Variants in KCNT2 observed in about 807,000 individuals in gnomAD.
KCNT2 encodes potassium channel subfamily T member 2.
A neutral mutation model predicts 153.8 loss-of-function variants in KCNT2; 67 were observed. That is an observed-to-expected ratio of 0.44 (90% confidence interval 0.36 to 0.53). KCNT2 has a LOEUF of 0.53. Among genes scored for constraint, KCNT2 ranks in the 20% least tolerant of loss-of-function variants. The probability of loss-of-function intolerance (pLI) is 0.00; values close to 1 mark genes in which losing one functional copy is unlikely to be tolerated. For missense variants in KCNT2, 975 were observed against 1,354.8 expected (o/e 0.72, Z 4.40); for synonymous variants, 500 against 458.8 (o/e 1.09, Z -1.15).
In KCNT2 at chr1:196,295,256, A is replaced by G. The variant is rs1015911938; in HGVS notation, c.2596-9498T>C. ...TAAAACATTTGTACTTTTTAAAATG[A>G]TAATTTGGAGAAGTTAAAACCAGTG... On this transcript the variant is annotated intron_variant, in intron 22 of 27. Transcript: ENST00000294725. 1.2e-4 allele frequency among the ~76,000 whole-genome samples: 18 copies of G among 152,044 alleles called. No individual in the cohort carries two copies. In the East Asian group the frequency reaches 3.1e-3, roughly 26 times the overall value.
intron 1 of KCNT2, among the ~76,000 whole-genome samples, chr1:196,515,450 CA>C (rs11351864): frequency 0.047 from 7,151 of 152,208 alleles, 571 homozygotes; most frequent in African/African-American, 0.16. Flanking sequence ...TTTGTACTTT[CA>C]TAAAAATTAG....
chr1:196,319,448 T>A (rs773578646), intron 20 of KCNT2, 36 bp downstream of exon 20: 1 of 1,462,678 alleles, frequency 6.8e-7, no homozygotes, highest in Non-Finnish European at 9.6e-7. Context: ...CACAGGACAC[T>A]ACACTAGTTA....
At chr1:196,599,864 TTTTC>T (rs1156513816) in intron 1 of KCNT2, among the ~76,000 whole-genome samples, 1 of 152,184 alleles carries the variant, frequency 6.6e-6, no homozygotes, top group Admixed American at 6.6e-5. Context: ...AAGAGCATAT[TTTTC>T]TTTCTTTCAG....
intron 1 of KCNT2, among the ~76,000 whole-genome samples, chr1:196,554,429 C>A (rs1658362812): frequency 6.6e-6 from 1 of 151,114 alleles, no homozygotes; most frequent in Non-Finnish European, 1.5e-5. Context: ...TTCCTAGACA[C>A]ATAGGGAGTA....
chr1:196,258,155 T>A (rs1297548955), intron 26 of KCNT2, 39 bp downstream of exon 26: 1 of 1,580,704 alleles, frequency 6.3e-7, no homozygotes, highest in South Asian at 1.1e-5. Context: ...TGGCAAGAAA[T>A]CACGAGTCCA....
intron 25 of KCNT2, among the ~76,000 whole-genome samples, chr1:196,274,479 G>A (rs1004676610): frequency 2.2e-4 from 33 of 151,602 alleles, no homozygotes; most frequent in African/African-American, 8.0e-4. Context: ...GAGAATAATA[G>A]CAAAGAATGG....
intron 14 of KCNT2, among the ~76,000 whole-genome samples, chr1:196,366,737 G>C (rs1036126659): frequency 6.6e-6 from 1 of 151,718 alleles, no homozygotes; most frequent in Non-Finnish European, 1.5e-5. Flanking sequence ...TATTTTACTT[G>C]TTTATTATTG....
At chr1:196,467,863 G>A in intron 6 of KCNT2, 77 bp from the exon 7 acceptor site, 2 of 703,898 alleles carry the variant, frequency 2.8e-6, no homozygotes, top group Non-Finnish European at 2.3e-6. Context: ...AAAAGAAATG[G>A]AAAAAAAGCT....
intron 25 of KCNT2, among the ~76,000 whole-genome samples, chr1:196,279,325 GA>G (rs1170584526): frequency 9.9e-5 from 15 of 151,948 alleles, no homozygotes; most frequent in African/African-American, 3.6e-4. Flanking sequence ...ATTTTCTCTT[GA>G]TTTGTCTCAT....
chr1:196,494,284 CAAAT>C (rs1309697640), intron 1 of KCNT2, among the ~76,000 whole-genome samples: 1 of 152,152 alleles, frequency 6.6e-6, no homozygotes, highest in African/African-American at 2.4e-5. Context: ...GGCTATTACA[CAAAT>C]AATTCAGCAA....
At chr1:196,298,563 C>T (rs939647147) in intron 22 of KCNT2, among the ~76,000 whole-genome samples, 2 of 151,992 alleles carry the variant, frequency 1.3e-5, no homozygotes, top group African/African-American at 4.8e-5. Context: ...TCAACATGTT[C>T]GCCAACCGGG....
intron 14 of KCNT2, among the ~76,000 whole-genome samples, chr1:196,356,079 A>G (rs1179382040): frequency 6.6e-6 from 1 of 151,784 alleles, no homozygotes; most frequent in East Asian, 1.9e-4. Flanking sequence ...CAAAGCTCCT[A>G]TTGCTGTTAT....
In KCNT2 at chr1:196,234,461, A is replaced by G. The variant is rs191201590; in HGVS notation, c.3296+1525T>C. Reference sequence around the variant, plus strand: ...TTTCTGCCTTCATAAATCTATTTACATAGGGGCTTGCCTTTACAATGCTTT... The same window carrying G: ...TTTCTGCCTTCATAAATCTATTTACGTAGGGGCTTGCCTTTACAATGCTTT... On this transcript the variant is annotated intron_variant, in intron 27 of 27. Coordinates refer to ENST00000294725, the MANE Select transcript of KCNT2 (RefSeq NM_198503.5). 7.9e-5 allele frequency among the ~76,000 whole-genome samples: 12 copies of G among 151,440 alleles called. No homozygotes were observed. The East Asian group carries it at 1.9e-3, about 24-fold the overall frequency.
intron 7 of KCNT2, among the ~76,000 whole-genome samples, chr1:196,467,062 G>A (rs559910816): frequency 1.3e-5 from 2 of 152,050 alleles, no homozygotes; most frequent in East Asian, 3.9e-4. Context: ...TAGAATCTTA[G>A]GAAACCCCAC....
intron 25 of KCNT2, among the ~76,000 whole-genome samples, chr1:196,271,920 A>G (rs1472703165): frequency 3.9e-5 from 6 of 152,034 alleles, no homozygotes; most frequent in African/African-American, 1.4e-4. Context: ...CAATGCACCA[A>G]TGAAGAATGA....
intron 14 of KCNT2, among the ~76,000 whole-genome samples, chr1:196,371,833 G>A (rs1419795836): frequency 7.2e-5 from 11 of 152,014 alleles, no homozygotes; most frequent in African/African-American, 2.4e-4. Context: ...GTAATGAGCT[G>A]TGTTATATAG....
intron 22 of KCNT2, among the ~76,000 whole-genome samples, chr1:196,288,137 TA>T (rs1659844386): frequency 8.3e-6 from 1 of 120,632 alleles, no homozygotes; most frequent in African/African-American, 4.6e-5. Flanking sequence ...AAAAAATAAA[TA>T]AATAAAAAAT....
chr1:196,376,644 T>G (rs1451563623), intron 13 of KCNT2, among the ~76,000 whole-genome samples: 3 of 151,980 alleles, frequency 2.0e-5, no homozygotes, highest in East Asian at 3.9e-4. Context: ...GCATTCCACC[T>G]TGTAAGACTT....
chr1:196,498,006 T>C (rs1680390599), intron 1 of KCNT2, among the ~76,000 whole-genome samples: 1 of 152,230 alleles, frequency 6.6e-6, no homozygotes, highest in South Asian at 2.1e-4. Flanking sequence ...ACTGCAGAGA[T>C]GTTTTTTGCA....
Sources: allele counts gnomAD v4.1 joint callset (sites outside exome capture counted in the v4.1 genomes callset), GRCh38; gene constraint gnomAD v4.1.1; transcripts MANE v1.5; gene names NCBI Gene and HGNC (gene_info 2026-07-23, HGNC 2026-07-21).